The following WDR86 variants were observed in gnomAD, a reference collection of about 807,000 sequenced individuals.
WDR86 encodes the protein WD repeat domain 86, also known as WD repeat-containing protein 86.
A neutral mutation model predicts 36.5 loss-of-function variants in WDR86; 30 were observed. The ratio of observed to expected loss-of-function variants is 0.82; its 90% confidence interval spans 0.61 to 1.11. The LOEUF is 1.11. Ranked by LOEUF, WDR86 falls within the 50% of genes most tolerant of loss-of-function variation. WDR86 has a pLI of 0.00. For missense variants in WDR86, 545 were observed against 561.2 expected (o/e 0.97, Z 0.29); for synonymous variants, 255 against 252.9 (o/e 1.01, Z -0.08).
chr7:151,391,946 G>C (rs528993707), intron 3 of WDR86, among the ~76,000 whole-genome samples: 1 of 152,282 alleles, frequency 6.6e-6, no homozygotes, highest in African/African-American at 2.4e-5. Context: ...TAGTGAAGCA[G>C]GGTGTCACTT....
chr7:151,399,033 T>C (rs1165232138), intron 2 of WDR86, among the ~76,000 whole-genome samples: 2 of 152,194 alleles, frequency 1.3e-5, no homozygotes, highest in African/African-American at 4.8e-5. Context: ...CTTTACCACC[T>C]TGTGGGCTGC....
downstream of WDR86, among the ~76,000 whole-genome samples, chr7:151,371,074 A>C (rs1417381133): frequency 6.6e-6 from 1 of 152,112 alleles, no homozygotes; most frequent in Non-Finnish European, 1.5e-5. Context: ...ACATTTCTGA[A>C]GTTAAAAGCC....
At chr7:151,384,061 CTGAGGG>C (rs1798802550) in intron 4 of WDR86, among the ~76,000 whole-genome samples, 1 of 152,342 alleles carries the variant, frequency 6.6e-6, no homozygotes, top group African/African-American at 2.4e-5. Flanking sequence ...CACCTGAATC[CTGAGGG>C]CATGTCAGGA....
intron 1 of WDR86, among the ~76,000 whole-genome samples, chr7:151,404,036 C>T (rs533127254): frequency 1.1e-4 from 16 of 152,264 alleles, no homozygotes; most frequent in East Asian, 9.6e-4. Context: ...AAGCCAATGG[C>T]GGCTAGTGAG....
intron 3 of WDR86, among the ~76,000 whole-genome samples, chr7:151,392,675 C>T (rs1003330080): frequency 9.9e-5 from 15 of 152,170 alleles, no homozygotes; most frequent in Admixed American, 2.0e-4. Flanking sequence ...CCGGGGCCAC[C>T]GGCCGCCCAG....
At position 151,409,187 on chromosome 7, in the gene WDR86, A is replaced by T; in HGVS notation, c.163+240T>A. 1.9e-6 allele frequency: 1 copy of T among 534,544 alleles called. No homozygotes were observed. The highest frequency in any genetic ancestry group is 2.4e-5 in the Admixed American group (1 of 42,302). 33.1% of individuals were successfully genotyped at this position (534,544 alleles called of 1,614,324 possible). A position where few individuals can be genotyped will look rare whatever the true frequency, so the allele number is the denominator to read the frequency against. On this transcript the variant is annotated intron_variant, in intron 1 of 5. Transcript: ENST00000334493. The surrounding 1 kb of genome is among the most constrained non-coding windows in gnomAD (Gnocchi z 5.2). ...CTTTGTAGCGGACGCCCCTCGACCC[A>T]CCCACCCGATCCCGGCCGCACCCTG...
chr7:151,374,576 G>A (rs1798120986), downstream of WDR86: 4 of 390,352 alleles, frequency 1.0e-5, no homozygotes, highest in South Asian at 1.2e-4. Flanking sequence ...AAAGAGAATG[G>A]GAATTCAACT....
chr7:151,407,652 A>G (rs1022398694), intron 1 of WDR86, among the ~76,000 whole-genome samples: 4 of 152,166 alleles, frequency 2.6e-5, no homozygotes, highest in Non-Finnish European at 1.5e-5. Flanking sequence ...CAGCCTGGCC[A>G]ACATGATGAA....
Position 151,409,755 on chromosome 7 carries a change from T to A in WDR86, c.-166A>T. ...CGAGGGGAGGGTGAAGGACCCTAGC[T>A]CCCCGCTGCCTCCAGCCTCTGGGCC... On this transcript the variant is annotated 5_prime_UTR_variant, in exon 1 of 6. Coordinates refer to ENST00000334493, the MANE Select transcript of WDR86 (RefSeq NM_198285.3). The surrounding 1 kb of genome is among the most constrained non-coding windows in gnomAD (Gnocchi z 5.2). 7.8e-7 allele frequency: 1 copy of A among 1,282,632 alleles called. No individual in the cohort carries two copies. The highest frequency in any genetic ancestry group is 1.6e-5 in the African/African-American group (1 of 64,348). 79.5% of individuals were successfully genotyped at this position (1,282,632 alleles called of 1,614,324 possible). A position where few individuals can be genotyped will look rare whatever the true frequency, so the allele number is the denominator to read the frequency against.
rs1798563339 is a variant in WDR86, at chr7:151,381,530, G to A, written c.*52C>T. The A allele has an allele frequency of 2.8e-6, 4 of 1,406,870 alleles. No homozygotes were observed. The highest frequency in any genetic ancestry group is 3.6e-5 in the Admixed American group (1 of 27,814). The allele number at this position is 1,406,870 out of a possible 1,614,324, so 87.1% of individuals were successfully genotyped here. Reference sequence around the variant, plus strand: ...ACCACCGCGGGTAGCAGGGCGGGGCGCTCTGGGAGCCGCTGGGTGTCTGGG... The same window carrying A: ...ACCACCGCGGGTAGCAGGGCGGGGCACTCTGGGAGCCGCTGGGTGTCTGGG... On this transcript the variant is annotated 3_prime_UTR_variant, in exon 6 of 6. Transcript: ENST00000334493. This position sits in a 1 kb window ranked among gnomAD's most constrained non-coding sequence, Gnocchi z 4.8.
At position 151,405,374 on chromosome 7, in the gene WDR86, T is replaced by A. The variant is rs1422253105; in HGVS notation, c.163+4053A>T. Reference sequence around the variant, plus strand: ...CTGTTTCCAGGATGCAGTGGCTGCGTCCCCGACTCAGGCCCAGAAGAGGTG... The same window carrying A: ...CTGTTTCCAGGATGCAGTGGCTGCGACCCCGACTCAGGCCCAGAAGAGGTG... On this transcript the variant is annotated intron_variant, in intron 1 of 5. Transcript: ENST00000334493. This position sits in a 1 kb window ranked among gnomAD's most constrained non-coding sequence, Gnocchi z 4.7. Among the ~76,000 whole-genome samples the A allele has an allele frequency of 6.6e-6, 1 of 152,098 alleles. No homozygotes were observed. The highest frequency in any genetic ancestry group is 1.5e-5 in the Non-Finnish European group (1 of 68,004).
chr7:151,398,488 GTA>G (rs757411671), intron 2 of WDR86, among the ~76,000 whole-genome samples: 2 of 73,962 alleles, frequency 2.7e-5, no homozygotes, highest in East Asian at 5.9e-4. Flanking sequence ...GTGTGTATGT[GTA>G]TATGTGTGCG....
At chr7:151,376,332 A>T (rs534752734), downstream of WDR86, 1 of 488,006 alleles carries the variant, frequency 2.0e-6, no homozygotes, top group African/African-American at 1.9e-5. Flanking sequence ...GCACGCCTGT[A>T]TGCTGTGGCC....
chr7:151,389,424 C>G (rs1434034168), intron 3 of WDR86, among the ~76,000 whole-genome samples: 1 of 152,222 alleles, frequency 6.6e-6, no homozygotes, highest in Non-Finnish European at 1.5e-5. Context: ...CACCACAGCT[C>G]AAACGCACCA....
At chr7:151,383,770 C>T (rs1389441316) in intron 4 of WDR86, among the ~76,000 whole-genome samples, 4 of 152,224 alleles carry the variant, frequency 2.6e-5, no homozygotes, top group East Asian at 1.9e-4. Context: ...GAGCTCCCCG[C>T]GGGTGGGAAG....
intron 1 of WDR86, among the ~76,000 whole-genome samples, chr7:151,403,655 T>G (rs1209421803): frequency 6.6e-6 from 1 of 152,226 alleles, no homozygotes; most frequent in East Asian, 1.9e-4. Context: ...TTGAAGAAAC[T>G]GCAGATTCTG....
At chr7:151,400,302 C>G in intron 1 of WDR86, 61 bp from the exon 2 acceptor site, 1 of 1,463,652 alleles carries the variant, frequency 6.8e-7, no homozygotes, top group Non-Finnish European at 9.1e-7. Flanking sequence ...TGCTTTTCTT[C>G]TGGGAACAAT....
chr7:151,392,451 C>A (rs950217166), intron 3 of WDR86, among the ~76,000 whole-genome samples: 1 of 152,160 alleles, frequency 6.6e-6, no homozygotes. Context: ...GCCCCAGAGT[C>A]CCCCACTGTG....
At chr7:151,404,873 C>T (rs1037716325) in intron 1 of WDR86, among the ~76,000 whole-genome samples, 2 of 152,166 alleles carry the variant, frequency 1.3e-5, no homozygotes, top group Non-Finnish European at 2.9e-5. Context: ...CTGCTGGTGG[C>T]GGGTCTCTGC....
Sources: gnomAD v4.1 joint callset for allele counts (sites outside exome capture counted in the v4.1 genomes callset) on GRCh38, gnomAD v4.1.1 for gene constraint, Gnocchi (gnomAD v3.1) non-coding constraint, MANE v1.5 for transcripts, NCBI Gene and HGNC (gene_info 2026-07-23, HGNC 2026-07-21) for gene names.